Variants in ZNF254 observed in about 807,000 individuals in gnomAD.
ZNF254 encodes the protein zinc finger protein 254, also known as CTD-2017D11.1.
Under a neutral mutation model 12.4 loss-of-function variants are expected in ZNF254, and 10 were observed. That is an observed-to-expected ratio of 0.80 (90% confidence interval 0.50 to 1.36). ZNF254 has a LOEUF of 1.36. Ranked by LOEUF, ZNF254 falls within the 40% of genes most tolerant of loss-of-function variation. The probability of loss-of-function intolerance (pLI) is 0.00; values close to 1 mark genes in which losing one functional copy is unlikely to be tolerated. For synonymous variants in ZNF254, 305 were observed against 253.4 expected (o/e 1.20, Z -1.93); for missense variants, 996 against 763.9 (o/e 1.30, Z -3.58).
At chr19:24,117,361 C>T (rs144042566) in intron 3 of ZNF254, among the ~76,000 whole-genome samples, 7,899 of 152,238 alleles carry the variant, frequency 0.052, 268 homozygotes, top group Middle Eastern at 0.13. Context: ...TTTGAGCTTC[C>T]CGGCTGCTTT....
At chr19:24,033,870 G>A (rs1289976990) in intron 1 of ZNF254, among the ~76,000 whole-genome samples, 1 of 152,244 alleles carries the variant, frequency 6.6e-6, no homozygotes, top group African/African-American at 2.4e-5. Flanking sequence ...TTCCCAGATT[G>A]TTCAGGGATG....
chr19:24,127,942 G>C lies in ZNF254; in HGVS notation c.1942G>C (p.Asp648His). The C allele has an allele frequency of 6.3e-7, 1 of 1,585,410 alleles. No homozygotes were observed. The change falls in exon 4 of 4, where the codon GAT becomes CAT. Residue 648 changes from aspartate (D) to histidine (H), a missense_variant. By Grantham distance (81) the Asp-to-His change is moderately conservative. Transcript: ENST00000357002. ...TAATCGGTCCTCGCACCTCACCACA[G>C]ATAAGATAACTCATTGGAGAGAAAT... ...AFNRSSHLTT[D>H]KITHWREILQ...
intron 3 of ZNF254, among the ~76,000 whole-genome samples, chr19:24,111,727 G>GT (rs1182820860): frequency 6.6e-6 from 1 of 152,066 alleles, no homozygotes; most frequent in Non-Finnish European, 1.5e-5. Context: ...TTTTTCATGT[G>GT]TTTTTTGGCT....
intron 2 of ZNF254, among the ~76,000 whole-genome samples, chr19:24,065,276 C>T (rs1317140471): frequency 2.6e-5 from 4 of 152,196 alleles, no homozygotes; most frequent in African/African-American, 9.7e-5. Context: ...TACAGTGAGC[C>T]TTGTGACACC....
intron 1 of ZNF254, among the ~76,000 whole-genome samples, chr19:24,042,671 G>A (rs1333493240): frequency 6.6e-6 from 1 of 152,166 alleles, no homozygotes; most frequent in Non-Finnish European, 1.5e-5. Flanking sequence ...AAGTCAGTGA[G>A]ACCAAGAACC....
At chr19:24,085,174 C>T (rs140232144), upstream of ZNF254, among the ~76,000 whole-genome samples, 2,227 of 147,880 alleles carry the variant, frequency 0.015, 58 homozygotes, top group African/African-American at 0.053. Flanking sequence ...CCTCGTGATC[C>T]ACCCACCTCG....
intron 2 of ZNF254, among the ~76,000 whole-genome samples, chr19:24,069,930 GA>G (rs1170136437): frequency 6.6e-6 from 1 of 152,096 alleles, no homozygotes; most frequent in Non-Finnish European, 1.5e-5. Flanking sequence ...GTCTCAAAAG[GA>G]AAAAGAAATA....
chr19:24,065,296 A>G (rs1971229604), intron 2 of ZNF254, among the ~76,000 whole-genome samples: 1 of 152,166 alleles, frequency 6.6e-6, no homozygotes, highest in South Asian at 2.1e-4. Context: ...CCAGGTGATC[A>G]TACTCTTCTT....
At chr19:24,097,076 G>T (rs1972715865) in intron 1 of ZNF254, among the ~76,000 whole-genome samples, 1 of 152,044 alleles carries the variant, frequency 6.6e-6, no homozygotes, top group South Asian at 2.1e-4. Flanking sequence ...TTTTATCCCT[G>T]TTTTTTTGAG....
At position 24,126,758 on chromosome 19, in the gene ZNF254, T is replaced by A; in HGVS notation, c.758T>A (p.Leu253His). ...AAATCTCCTAAGCAACTCTCAACCC[T>A]TACTACACATGAAATAATTCATGCT... Reference protein sequence around the residue: ...YNKSPKQLSTLTTHEIIHAGE... With the variant: ...YNKSPKQLSTHTTHEIIHAGE... Residue 253 changes from leucine (L) to histidine (H), a missense_variant, in exon 4 of 4, where the codon CTT (leucine) becomes CAT (histidine). Coordinates refer to ENST00000357002, the MANE Select transcript of ZNF254 (RefSeq NM_203282.4). The A allele has an allele frequency of 6.2e-7, 1 of 1,613,360 alleles. No homozygotes were observed. Among genetic ancestry groups the A allele is most frequent in the Non-Finnish European group, 8.5e-7 (1 of 1,179,766 alleles).
chr19:24,103,400 A>G (rs927867517), intron 1 of ZNF254, among the ~76,000 whole-genome samples: 4 of 152,158 alleles, frequency 2.6e-5, no homozygotes, highest in Non-Finnish European at 5.9e-5. Context: ...CAATTTTACA[A>G]AGCGATTCAT....
At chr19:24,104,422 G>A (rs1428211537) in intron 1 of ZNF254, 1 of 152,170 alleles carries the variant, frequency 6.6e-6, no homozygotes, top group Admixed American at 6.6e-5. Context: ...TAGAGGAGGA[G>A]GAGAGAGAAA....
chr19:24,090,673 G>C (rs531649421), intron 1 of ZNF254, among the ~76,000 whole-genome samples: 1 of 152,256 alleles, frequency 6.6e-6, no homozygotes, highest in African/African-American at 2.4e-5. Flanking sequence ...CTGGCCTCAA[G>C]TGACTCACCT....
At chr19:24,086,624 C>A (rs780063884), upstream of ZNF254, among the ~76,000 whole-genome samples, 1 of 152,020 alleles carries the variant, frequency 6.6e-6, no homozygotes, top group African/African-American at 2.4e-5. Context: ...ATTACAGGCA[C>A]GTGCCACTAC....
intron 2 of ZNF254, among the ~76,000 whole-genome samples, chr19:24,067,738 T>C (rs1323487994): frequency 6.6e-6 from 1 of 151,230 alleles, no homozygotes; most frequent in Non-Finnish European, 1.5e-5. Flanking sequence ...GGGATTGTGA[T>C]GCATCACTGG....
At chr19:24,037,767 G>A (rs897249559) in intron 1 of ZNF254, among the ~76,000 whole-genome samples, 5 of 152,072 alleles carry the variant, frequency 3.3e-5, no homozygotes, top group Non-Finnish European at 5.9e-5. Context: ...GTGCCACCAC[G>A]CCCAGCTAAT....
intron 2 of ZNF254, among the ~76,000 whole-genome samples, chr19:24,053,836 G>A (rs1361815504): frequency 1.3e-5 from 2 of 152,146 alleles, no homozygotes; most frequent in African/African-American, 4.8e-5. Context: ...GGAGGATTGC[G>A]GCATATCACT....
intron 2 of ZNF254, among the ~76,000 whole-genome samples, chr19:24,060,110 A>C (rs1166331245): frequency 6.6e-6 from 1 of 152,070 alleles, no homozygotes; most frequent in African/African-American, 2.4e-5. Flanking sequence ...GAACTCTGCC[A>C]CCTGTGCCCT....
intron 1 of ZNF254, among the ~76,000 whole-genome samples, chr19:24,090,943 AT>A (rs869068959): frequency 0.013 from 1,147 of 89,578 alleles, 6 homozygotes; most frequent in African/African-American, 0.045. Context: ...TGGAGGAGTG[AT>A]TTTTTTTTTT....
Sources: allele counts gnomAD v4.1 joint callset (sites outside exome capture counted in the v4.1 genomes callset), GRCh38; gene constraint gnomAD v4.1.1; transcripts MANE v1.5; gene names NCBI Gene and HGNC (gene_info 2026-07-23, HGNC 2026-07-21).